Variants in GPC3 observed in about 807,000 individuals in gnomAD.
The protein encoded by GPC3 is glypican 3, also known as glypican-3.
GPC3 carries 3 observed loss-of-function variants against 34.4 expected under a neutral mutation model. The observed-to-expected ratio is 0.09, with a 90% confidence interval of 0.04 to 0.23. GPC3 has a LOEUF of 0.23. GPC3 is among the 10% of genes least tolerant of loss of function. The pLI is 1.00. For missense variants in GPC3, 351 were observed against 445.6 expected (o/e 0.79, Z 1.91); for synonymous variants, 177 against 174.0 (o/e 1.02, Z -0.13).
chrX:133,776,914 C>T (rs1273040415), intron 2 of GPC3, among the ~76,000 whole-genome samples: 1 of 91,075 alleles, frequency 1.1e-5, no homozygotes, highest in African/African-American at 3.9e-5. Context: ...GAGTCTTACA[C>T]TGTCGCCCGC....
At position 133,699,881 on chromosome X, in the gene GPC3, A is replaced by G; in HGVS notation, c.1166+14T>C. ...TAATTGTATTGTGGAATAAAGAAAA[A>G]AGAAACCTCTCACCTTCTTCGGCTG... is the stretch of plus-strand genomic sequence containing the variant. On this transcript the variant is annotated intron_variant, in intron 4 of 7. Transcript: ENST00000370818. The G allele has an allele frequency of 8.4e-7, 1 of 1,197,172 alleles. No individual in the cohort carries two copies. The highest frequency in any genetic ancestry group is 1.1e-6 in the Non-Finnish European group (1 of 885,991).
chrX:133,607,310 G>A (rs1198882659), intron 6 of GPC3, among the ~76,000 whole-genome samples: 3 of 111,773 alleles, frequency 2.7e-5, no homozygotes, highest in Non-Finnish European at 3.8e-5. Context: ...AAAGGGCATA[G>A]CTCTGGGACT....
intron 2 of GPC3, among the ~76,000 whole-genome samples, chrX:133,827,156 A>C (rs1406436544): frequency 8.9e-6 from 1 of 111,977 alleles, no homozygotes; most frequent in Non-Finnish European, 1.9e-5. Flanking sequence ...AGACATTCCC[A>C]GATAAACAAA....
At chrX:133,616,340 A>G (rs2070163632) in intron 6 of GPC3, among the ~76,000 whole-genome samples, 1 of 112,001 alleles carries the variant, frequency 8.9e-6, no homozygotes, top group Non-Finnish European at 1.9e-5. Context: ...TTATACACTG[A>G]AAACTACAAA....
At chrX:133,898,741 G>T (rs1254692563) in intron 2 of GPC3, among the ~76,000 whole-genome samples, 2 of 111,968 alleles carry the variant, frequency 1.8e-5, no homozygotes, top group Non-Finnish European at 3.8e-5. Context: ...TTACTGCTAA[G>T]TGCATAAGCC....
chrX:133,870,020 A>G (rs2075987662), intron 2 of GPC3, among the ~76,000 whole-genome samples: 1 of 112,136 alleles, frequency 8.9e-6, no homozygotes, highest in Non-Finnish European at 1.9e-5. Context: ...TATGTTTCAT[A>G]TGGCTTCAAT....
intron 7 of GPC3, among the ~76,000 whole-genome samples, chrX:133,569,648 T>G (rs1385671425): frequency 8.9e-6 from 1 of 112,107 alleles, no homozygotes; most frequent in Admixed American, 9.5e-5. Context: ...ATTTGGAAAT[T>G]AAATGTTATA....
At chrX:133,904,802 C>T (rs1184982685) in intron 2 of GPC3, among the ~76,000 whole-genome samples, 1 of 111,549 alleles carries the variant, frequency 9.0e-6, no homozygotes, top group African/African-American at 3.3e-5. Context: ...GATGAGGCAG[C>T]ACTAAATAAG....
At chrX:133,797,482 C>A (rs1013793173) in intron 2 of GPC3, among the ~76,000 whole-genome samples, 2 of 110,877 alleles carry the variant, frequency 1.8e-5, no homozygotes, top group African/African-American at 3.3e-5. Context: ...GCTCTACCCC[C>A]CTGAGATTCC....
At chrX:133,799,282 C>A (rs1228673815) in intron 2 of GPC3, among the ~76,000 whole-genome samples, 1 of 111,630 alleles carries the variant, frequency 9.0e-6, no homozygotes, top group African/African-American at 3.3e-5. Flanking sequence ...GTCCCAGTTA[C>A]TTGGGAGGCT....
intron 3 of GPC3, among the ~76,000 whole-genome samples, chrX:133,734,502 C>T (rs2071490852): frequency 9.3e-6 from 1 of 107,799 alleles, no homozygotes; most frequent in Non-Finnish European, 1.9e-5. Context: ...TCCATTGTTG[C>T]TAGTTCTATT....
chrX:133,979,766 C>T (rs2076531005), intron 1 of GPC3, among the ~76,000 whole-genome samples: 1 of 111,919 alleles, frequency 8.9e-6, no homozygotes, highest in Non-Finnish European at 1.9e-5. Context: ...ATGCTCATTT[C>T]CTAATGGAGT....
intron 1 of GPC3, among the ~76,000 whole-genome samples, chrX:133,958,174 CGTAGTGTT>C (rs770633560): frequency 9.8e-5 from 11 of 112,124 alleles, no homozygotes; most frequent in Non-Finnish European, 1.9e-4. Context: ...GCCCTGTACA[CGTAGTGTT>C]GAATTAATGA....
chrX:133,585,927 T>C (rs1470921355), intron 7 of GPC3, among the ~76,000 whole-genome samples: 1 of 112,206 alleles, frequency 8.9e-6, no homozygotes, highest in Non-Finnish European at 1.9e-5. Flanking sequence ...ACAATGGCAC[T>C]AAATTGCTCA....
intron 6 of GPC3, among the ~76,000 whole-genome samples, chrX:133,642,772 C>CA (rs375514321): frequency 0.062 from 1,561 of 25,338 alleles, 31 homozygotes; most frequent in Non-Finnish European, 0.095. Flanking sequence ...AACTACGTCT[C>CA]AAAAAAAAAA....
At chrX:133,892,584 TTTG>T (rs1210682470) in intron 2 of GPC3, among the ~76,000 whole-genome samples, 1 of 110,822 alleles carries the variant, frequency 9.0e-6, no homozygotes, top group Non-Finnish European at 1.9e-5. Context: ...CTTGGACTTT[TTTG>T]TTTTTTGTTT....
At chrX:133,967,648 G>C (rs1447894052) in intron 1 of GPC3, among the ~76,000 whole-genome samples, 1 of 111,697 alleles carries the variant, frequency 9.0e-6, no homozygotes, top group Non-Finnish European at 1.9e-5. Context: ...GTTTTTTTGA[G>C]ACAAGATTTT....
At chrX:133,867,135 T>C (rs754631296) in intron 2 of GPC3, among the ~76,000 whole-genome samples, 29 of 109,966 alleles carry the variant, frequency 2.6e-4, no homozygotes, top group Admixed American at 6.8e-4. Flanking sequence ...GTGGCGAAGG[T>C]TGCAGTGAGC....
intron 2 of GPC3, among the ~76,000 whole-genome samples, chrX:133,926,206 T>A (rs779759955): frequency 8.9e-6 from 1 of 111,996 alleles, no homozygotes; most frequent in Non-Finnish European, 1.9e-5. Context: ...GTAAATTAAC[T>A]CATGAAAAGA....
Sources: gnomAD v4.1 joint callset for allele counts (sites outside exome capture counted in the v4.1 genomes callset) on GRCh38, gnomAD v4.1.1 for gene constraint, MANE v1.5 for transcripts, NCBI Gene and HGNC (gene_info 2026-07-23, HGNC 2026-07-21) for gene names.